Variants in MYOF observed in about 807,000 individuals in gnomAD.
MYOF encodes the protein fer-1-like 3, myoferlin.
A neutral mutation model predicts 284.2 loss-of-function variants in MYOF; 244 were observed. The ratio of observed to expected loss-of-function variants is 0.86; its 90% CI spans 0.77 to 0.95. MYOF has a LOEUF of 0.95. Among genes scored for constraint, MYOF ranks in the 40% least tolerant of loss-of-function variants. The pLI is 0.00. For synonymous variants in MYOF, 904 were observed against 919.7 expected, an observed-to-expected ratio of 0.98 and a Z score of 0.31; for missense variants, 2,496 against 2,560.6, an observed-to-expected ratio of 0.97 and a Z score of 0.54.
chr10:93,417,053 A>G (rs373878300), intron 5 of MYOF, among the ~76,000 whole-genome samples: 3 of 152,206 alleles, frequency 2.0e-5, no homozygotes, highest in East Asian at 1.9e-4. Flanking sequence ...AGTGGAGCCA[A>G]TGCTCAAATC....
At chr10:93,481,192 A>G (rs1401797980) in intron 1 of MYOF, among the ~76,000 whole-genome samples, 1 of 152,146 alleles carries the variant, frequency 6.6e-6, no homozygotes, top group Non-Finnish European at 1.5e-5. Flanking sequence ...TCATAGAAAA[A>G]TAGCCTTTTA....
rs61867768 is a variant in MYOF, at chr10:93,470,250, C to G, written c.88+11857G>C. Among the ~76,000 whole-genome samples the G allele has an allele frequency of 1.4e-3, 207 of 145,338 alleles. 1 individual carries two copies. The highest frequency in any genetic ancestry group is 4.8e-3 in the African/African-American group (188 of 39,056). ...TCTCAAAAAAAAAAAAAGAAAGAAA[C>G]AAAGAAAGAAAGAAAGAAAATAAAG... On this transcript the variant is annotated intron_variant, in intron 1 of 53. Coordinates refer to ENST00000359263, the MANE Select transcript of MYOF (RefSeq NM_013451.4).
chr10:93,394,733 T>C (rs1213119994), intron 16 of MYOF, among the ~76,000 whole-genome samples: 2 of 149,850 alleles, frequency 1.3e-5, no homozygotes, highest in African/African-American at 4.9e-5. Context: ...GTGCTGGGAT[T>C]ACAGGAGTGA....
chr10:93,333,640 G>A, intron 42 of MYOF, 118 bp downstream of exon 42: 1 of 1,323,744 alleles, frequency 7.6e-7, no homozygotes, highest in Non-Finnish European at 1.0e-6. Flanking sequence ...TTGTTTTGAT[G>A]GAGTATCTTT....
intron 18 of MYOF, 85 bp from the exon 19 acceptor site, chr10:93,387,998 A>G: frequency 1.9e-6 from 2 of 1,057,058 alleles, no homozygotes; most frequent in Non-Finnish European, 2.9e-6. Context: ...ATACAACTGC[A>G]AAAAGTTTCT....
rs199793976 is a variant in MYOF, at chr10:93,431,504, C to T, written c.249G>A (p.Thr83=). The change falls in exon 4 of 54, where the codon ACG becomes ACA. Residue 83 remains threonine, a synonymous_variant. Transcript: ENST00000359263. ...ETIGQNKLIG[T]ATVALKDLTG... ...TCAGGTCCTTCAGGGCTACAGTCGCCGTGCCAATTAATCTGCAGGGAAAAC... is the reference window on the plus strand; with the variant it reads ...TCAGGTCCTTCAGGGCTACAGTCGCTGTGCCAATTAATCTGCAGGGAAAAC... The T allele has an allele frequency of 1.7e-4, 268 of 1,613,616 alleles. No individual in the cohort carries two copies. The highest frequency in any genetic ancestry group is 2.1e-4 in the Non-Finnish European group (251 of 1,179,718).
intron 19 of MYOF, among the ~76,000 whole-genome samples, chr10:93,386,506 G>A (rs919349235): frequency 5.3e-5 from 8 of 152,332 alleles, no homozygotes; most frequent in Middle Eastern, 3.4e-3. Context: ...ATGCCCCGTG[G>A]CTTGCTGCTG....
chr10:93,315,858 T>C (rs772594422), intron 50 of MYOF, among the ~76,000 whole-genome samples: 137 of 152,038 alleles, frequency 9.0e-4, no homozygotes, highest in Non-Finnish European at 1.5e-3. Context: ...CTGTGGCTTA[T>C]GCTTGTAATC....
chr10:93,322,287 G>A (rs976219781), intron 48 of MYOF, among the ~76,000 whole-genome samples: 5 of 152,154 alleles, frequency 3.3e-5, no homozygotes, highest in African/African-American at 9.7e-5. Flanking sequence ...CTCAGTCCAC[G>A]TGGAATAGCA....
At chr10:93,322,973 C>CA in intron 48 of MYOF, 105 bp downstream of exon 48, 1 of 1,217,100 alleles carries the variant, frequency 8.2e-7, no homozygotes, top group African/African-American at 1.5e-5. Flanking sequence ...AAAATAACCT[C>CA]AAAAAACCAA....
Position 93,378,707 on chromosome 10 carries a change from A to ATATATATATATATATATATATG in MYOF, c.2001+1155_2001+1156insCATATATATATATATATATATA, listed in dbSNP as rs1564664838. Among the ~76,000 whole-genome samples the ATATATATATATATATATATATG allele has an allele frequency of 2.4e-4, 32 of 133,420 alleles. 1 individual carries two copies. Among genetic ancestry groups the ATATATATATATATATATATATG allele is most frequent in the African/African-American group, 7.7e-4 (27 of 35,042 alleles). 87.5% of individuals were successfully genotyped at this position (133,420 alleles called of 152,430 possible). On this transcript the variant is annotated intron_variant, in intron 21 of 53. Transcript: ENST00000359263. Reference sequence around the variant, plus strand: ...TGTGTGTGTGTGTATATATATATATATATATATATGTATATATTTATCTTT... The same window carrying ATATATATATATATATATATATG: ...TGTGTGTGTGTGTATATATATATATATATATATATATATATATATATGTATATATATGTATATATTTATCTTT...
chr10:93,448,328 C>G, intron 3 of MYOF, among the ~76,000 whole-genome samples: 1 of 152,204 alleles, frequency 6.6e-6, no homozygotes, highest in South Asian at 2.1e-4. Flanking sequence ...CACCACCTCA[C>G]ATAAAATGGG....
chr10:93,401,806 TGTGTGTGTGTGTGTGTGTGTGTGTGA>T (rs1252617758), intron 11 of MYOF, among the ~76,000 whole-genome samples: 1 of 76,446 alleles, frequency 1.3e-5, no homozygotes, highest in Non-Finnish European at 3.6e-5. Flanking sequence ...TGTGTGTGTG[TGTGTGTGTGTGTGTGTGTGTGTGTGA>T]TCCTGATGTC....
intron 13 of MYOF, among the ~76,000 whole-genome samples, chr10:93,398,031 A>G (rs1847106469): frequency 6.6e-6 from 1 of 152,090 alleles, no homozygotes; most frequent in South Asian, 2.1e-4. Flanking sequence ...CCTGACTTTC[A>G]TGTCACTTCT....
Position 93,409,715 on chromosome 10 carries a change from TC to T in MYOF, c.457del (p.Asp153MetfsTer33). ...MGGDGEEDEG[D>X]EDRLDNAVRG... ...GACTGCATTGTCCAACCTGTCTTCA[TC>T]ACCTTCATCTTCTTCCCCATCTCCT... On this transcript the variant is annotated frameshift_variant, in exon 6 of 54. Transcript: ENST00000359263. LOFTEE classifies it high-confidence loss of function. 6.2e-7 allele frequency: 1 copy of T among 1,614,200 alleles called. No individual in the cohort carries two copies. The highest frequency in any genetic ancestry group is 8.5e-7 in the Non-Finnish European group (1 of 1,180,038).
intron 5 of MYOF, among the ~76,000 whole-genome samples, chr10:93,423,470 A>AGGGGC: frequency 6.8e-6 from 1 of 148,026 alleles, no homozygotes; most frequent in Non-Finnish European, 1.5e-5. Context: ...AGGTTGCAAT[A>AGGGGC]AGCTGAGACT....
intron 5 of MYOF, among the ~76,000 whole-genome samples, chr10:93,421,776 A>G (rs759602185): frequency 5.9e-5 from 9 of 152,194 alleles, no homozygotes; most frequent in Non-Finnish European, 1.0e-4. Flanking sequence ...TGCTTCTTGT[A>G]CAGTCTGAAG....
At chr10:93,390,976 G>T (rs1268142180) in intron 17 of MYOF, among the ~76,000 whole-genome samples, 1 of 152,190 alleles carries the variant, frequency 6.6e-6, no homozygotes, top group African/African-American at 2.4e-5. Flanking sequence ...TTTAACCCCA[G>T]ATCTTGAGTT....
intron 7 of MYOF, among the ~76,000 whole-genome samples, chr10:93,406,073 T>G (rs1478663163): frequency 2.6e-5 from 4 of 151,232 alleles, no homozygotes; most frequent in African/African-American, 9.7e-5. Flanking sequence ...TTCTCCTACC[T>G]CAGCCTCCTG....
Sources: gnomAD v4.1 joint callset for allele counts (sites outside exome capture counted in the v4.1 genomes callset) on GRCh38, gnomAD v4.1.1 for gene constraint, MANE v1.5 for transcripts, NCBI Gene and HGNC (gene_info 2026-07-23, HGNC 2026-07-21) for gene names.